CDC45: variants seen among roughly 807,000 people sequenced by gnomAD.
CDC45 encodes the protein cell division cycle 45.
CDC45 carries 54 observed loss-of-function variants against 77.8 expected under a neutral mutation model. That is an observed-to-expected ratio of 0.69 (90% CI 0.56 to 0.87). The LOEUF is 0.87. CDC45 is among the 40% of genes least tolerant of loss of function. CDC45 has a pLI of 0.00. For synonymous variants in CDC45, 260 were observed against 272.1 expected, an observed-to-expected ratio of 0.96 and a Z score of 0.44; for missense variants, 649 against 721.6, an observed-to-expected ratio of 0.90 and a Z score of 1.15.
intron 9 of CDC45, among the ~76,000 whole-genome samples, chr22:19,502,458 C>T (rs921036769): frequency 1.3e-5 from 2 of 152,182 alleles, no homozygotes; most frequent in African/African-American, 2.4e-5. Context: ...CATGTAGGCA[C>T]AACACATAAC....
At position 19,507,803 on chromosome 22, in the gene CDC45, A is replaced by G. The variant is rs1235094609; in HGVS notation, c.994A>G (p.Met332Val). The G allele has an allele frequency of 6.2e-7, 1 of 1,603,250 alleles. No homozygotes were observed. The highest frequency in any genetic ancestry group is 8.5e-7 in the Non-Finnish European group (1 of 1,176,538). Residue 332 changes from methionine (M) to valine (V), a missense_variant, in exon 12 of 19, where the codon ATG becomes GTG. Transcript: ENST00000263201. ...LKQVKQKFQA[M>V]DISLKENLRE... is the part of the protein sequence containing the mutation. ...GCAGGTGAAGCAGAAGTTCCAGGCC[A>G]TGGACATCTCCTTGAAGGAGAATTT...
chr22:19,498,094 A>C (rs1400934380), intron 8 of CDC45, among the ~76,000 whole-genome samples: 1 of 152,120 alleles, frequency 6.6e-6, no homozygotes, highest in East Asian at 1.9e-4. Flanking sequence ...GAATCGCTTG[A>C]ATCCGGAAGG....
intron 3 of CDC45, among the ~76,000 whole-genome samples, chr22:19,482,256 A>G (rs1333281458): frequency 1.3e-5 from 2 of 152,258 alleles, no homozygotes; most frequent in Non-Finnish European, 2.9e-5. Context: ...AGAAAGTGCT[A>G]TAGTGATAGA....
chr22:19,514,579 T>A (rs1601989219), intron 13 of CDC45, among the ~76,000 whole-genome samples, 170 bp from the exon 14 acceptor site: 1 of 152,152 alleles, frequency 6.6e-6, no homozygotes. Flanking sequence ...TTATACATTT[T>A]AAAAAATTCT....
intron 9 of CDC45, among the ~76,000 whole-genome samples, chr22:19,502,158 G>T (rs1932923688): frequency 1.3e-5 from 2 of 152,152 alleles, no homozygotes; most frequent in South Asian, 4.1e-4. Context: ...TTGTCAAAAA[G>T]TCATACAAAG....
intron 7 of CDC45, among the ~76,000 whole-genome samples, chr22:19,496,946 G>A (rs552263021): frequency 6.6e-6 from 1 of 152,236 alleles, no homozygotes; most frequent in South Asian, 2.1e-4. Context: ...TGGCCTTCCT[G>A]GGAATGTGTT....
At chr22:19,510,815 C>T (rs1329380835) in intron 13 of CDC45, among the ~76,000 whole-genome samples, 1 of 152,200 alleles carries the variant, frequency 6.6e-6, no homozygotes, top group Non-Finnish European at 1.5e-5. Context: ...GCATCAGCCA[C>T]CATGCCCGGC....
chr22:19,481,128 TAAGC>T (rs1246945986), intron 3 of CDC45, 83 bp downstream of exon 3: 1 of 892,110 alleles, frequency 1.1e-6, no homozygotes, highest in Non-Finnish European at 1.8e-6. Flanking sequence ...CACGATAGAT[TAAGC>T]GTGTATTTAA....
chr22:19,489,446 T>C (rs933973569), intron 5 of CDC45, among the ~76,000 whole-genome samples: 1 of 152,174 alleles, frequency 6.6e-6, no homozygotes, highest in Admixed American at 6.5e-5. Flanking sequence ...TCCATTTCTG[T>C]AATTTCATTT....
In CDC45 at chr22:19,493,633, G is replaced by A. The variant is rs949011465; in HGVS notation, c.487-694G>A. On this transcript the variant is annotated intron_variant, in intron 5 of 18. Coordinates refer to ENST00000263201, the MANE Select transcript of CDC45 (RefSeq NM_003504.5). ...TAATTTTTGTATTTTAAGTAGAGAC[G>A]GGGTTTTACCATGTTGGCCAGGCTG... 3.9e-5 allele frequency among the ~76,000 whole-genome samples: 6 copies of A among 152,072 alleles called. No individual in the cohort carries two copies. In the South Asian group the frequency reaches 8.3e-4, roughly 21 times the overall value.
chr22:19,503,542 G>C (rs1932984560), intron 9 of CDC45, among the ~76,000 whole-genome samples: 2 of 152,186 alleles, frequency 1.3e-5, no homozygotes, highest in Admixed American at 1.3e-4. Context: ...GTCAACCTGA[G>C]TTAGGCCTGC....
chr22:19,507,779 C>A lies in CDC45; in HGVS notation c.970C>A (p.Gln324Lys). 1 of 1,597,366 alleles carries A rather than the reference C, an allele frequency of 6.3e-7. No homozygotes were observed. The highest frequency in any genetic ancestry group is 8.5e-7 in the Non-Finnish European group (1 of 1,173,200). Residue 324 changes from glutamine (Q) to lysine (K), a missense_variant, in exon 12 of 19, where the codon CAG (glutamine) becomes AAG (lysine). By Grantham distance (53) the Gln-to-Lys change is moderately conservative. Transcript: ENST00000263201. ...TGCTCTTTCCAGTCTTCCCCTGAAGCAGGTGAAGCAGAAGTTCCAGGCCAT... is the reference window on the plus strand; with the variant it reads ...TGCTCTTTCCAGTCTTCCCCTGAAGAAGGTGAAGCAGAAGTTCCAGGCCAT... ...FLADMGLPLK[Q>K]VKQKFQAMDI...
chr22:19,507,954 C>CAA, intron 12 of CDC45, 90 bp downstream of exon 12: 1 of 798,542 alleles, frequency 1.3e-6, no homozygotes, highest in Admixed American at 3.0e-5. Context: ...TAAAATAATG[C>CAA]AAAAAAAACC....
rs181234638 is a variant in CDC45 at position 19,490,214 on chromosome 22, A to T, written c.487-4113A>T. Among the ~76,000 whole-genome samples, 20 of 152,286 alleles carry T rather than the reference A, an allele frequency of 1.3e-4. 1 individual carries two copies. In the East Asian group the frequency reaches 3.1e-3, roughly 23 times the overall value. ...CAGCATACAGTTGGCTCATATTTTT[A>T]AATCATGTTTTTTAAAGCCATTCTC... is the stretch of plus-strand genomic sequence containing the variant. On this transcript the variant is annotated intron_variant, in intron 5 of 18. Transcript: ENST00000263201.
rs779013847 is a variant in CDC45, at chr22:19,494,350, G to T, written c.510G>T (p.Arg170=). The part of the protein sequence containing the change: ...LEEEIVEQTM[R]RRQRREWEAR... ...AGGAGATAGTGGAGCAAACCATGCGGAGGAGGCAGCGGCGAGAGTGGGAGG... is the reference window on the plus strand; with the variant it reads ...AGGAGATAGTGGAGCAAACCATGCGTAGGAGGCAGCGGCGAGAGTGGGAGG... Residue 170 remains arginine (R), a synonymous_variant, in exon 6 of 19, where the codon CGG becomes CGT. Transcript: ENST00000263201. The T allele has an allele frequency of 6.8e-6, 11 of 1,613,050 alleles. No individual in the cohort carries two copies. Among genetic ancestry groups the T allele is most frequent in the Non-Finnish European group, 9.3e-6 (11 of 1,180,028 alleles).
At chr22:19,487,684 TGGGTGGATCACGA>T (rs780339950) in intron 5 of CDC45, among the ~76,000 whole-genome samples, 93 of 151,916 alleles carry the variant, frequency 6.1e-4, no homozygotes, top group Non-Finnish European at 1.2e-3. Flanking sequence ...GAGGCCGAGG[TGGGTGGATCACGA>T]GGTCAGGAGA....
intron 5 of CDC45, among the ~76,000 whole-genome samples, chr22:19,492,787 G>A (rs924766488): frequency 1.3e-5 from 2 of 152,164 alleles, no homozygotes; most frequent in Non-Finnish European, 2.9e-5. Flanking sequence ...GTGATGCCAG[G>A]TAGAGGTAAA....
intron 12 of CDC45, 147 bp from the exon 13 acceptor site, chr22:19,508,383 C>G (rs1933325980): frequency 9.6e-6 from 8 of 835,168 alleles, no homozygotes; most frequent in Middle Eastern, 3.0e-4. Flanking sequence ...TCTGGACGTT[C>G]TGACCTGCCT....
chr22:19,501,470 T>C (rs551968200), intron 9 of CDC45, among the ~76,000 whole-genome samples: 1 of 152,360 alleles, frequency 6.6e-6, no homozygotes, highest in Admixed American at 6.5e-5. Flanking sequence ...TCTCTTCTGA[T>C]TTGCTGGCCT....
Sources: allele counts gnomAD v4.1 joint callset (sites outside exome capture counted in the v4.1 genomes callset), GRCh38; gene constraint gnomAD v4.1.1; transcripts MANE v1.5; gene names NCBI Gene and HGNC (gene_info 2026-07-23, HGNC 2026-07-21).